The following CREB3L2 variants were observed in gnomAD, a reference collection of about 807,000 sequenced individuals.
CREB3L2 encodes the protein cAMP responsive element binding protein 3 like 2, also known as cyclic AMP-responsive element-binding protein 3-like protein 2.
A neutral mutation model predicts 57.2 loss-of-function variants in CREB3L2; 23 were observed. The observed-to-expected ratio is 0.40, with a 90% CI of 0.29 to 0.57. The LOEUF (loss-of-function observed/expected upper bound fraction) is 0.57, where lower values mean the gene tolerates loss of function less well. Among genes scored for constraint, CREB3L2 ranks in the 20% least tolerant of loss-of-function variants. The pLI, the probability that CREB3L2 is intolerant of heterozygous loss-of-function variation, is 0.42. For missense variants in CREB3L2, 628 were observed against 634.7 expected, an observed-to-expected ratio of 0.99 and a Z score of 0.11; for synonymous variants, 268 against 265.1, an observed-to-expected ratio of 1.01 and a Z score of -0.11.
intron 1 of CREB3L2, among the ~76,000 whole-genome samples, chr7:137,941,963 G>C (rs988208728): frequency 2.0e-5 from 3 of 152,112 alleles, no homozygotes; most frequent in Admixed American, 1.3e-4. Context: ...GTCGATTCTA[G>C]TTTTCCCATT....
chr7:137,974,075 C>T (rs1186259625), intron 1 of CREB3L2, among the ~76,000 whole-genome samples: 1 of 151,796 alleles, frequency 6.6e-6, no homozygotes, highest in Admixed American at 6.6e-5. Flanking sequence ...AATCAACCTC[C>T]TTGTGTAAAA....
chr7:137,912,245 T>C (rs951148767), intron 4 of CREB3L2, among the ~76,000 whole-genome samples: 5 of 151,854 alleles, frequency 3.3e-5, no homozygotes, highest in Non-Finnish European at 5.9e-5. Flanking sequence ...GGTGTGGTGG[T>C]GCACGCCTGT....
chr7:137,914,135 C>CT (rs1298152910), intron 3 of CREB3L2, among the ~76,000 whole-genome samples: 1 of 150,234 alleles, frequency 6.7e-6, no homozygotes, highest in African/African-American at 2.4e-5. Flanking sequence ...TTATATATAA[C>CT]TTTATTAATA....
intron 1 of CREB3L2, among the ~76,000 whole-genome samples, chr7:137,985,556 G>C (rs908665966): frequency 6.6e-6 from 1 of 152,078 alleles, no homozygotes; most frequent in Non-Finnish European, 1.5e-5. Context: ...GCTGTTAACA[G>C]ACCCCTAAAC....
intron 8 of CREB3L2, among the ~76,000 whole-genome samples, chr7:137,888,887 G>T (rs935028009): frequency 2.0e-5 from 3 of 152,032 alleles, no homozygotes; most frequent in African/African-American, 4.8e-5. Flanking sequence ...GCATGAGGGG[G>T]TAAGGTTTCT....
intron 1 of CREB3L2, among the ~76,000 whole-genome samples, chr7:137,991,394 G>A (rs1235796367): frequency 6.6e-6 from 1 of 151,758 alleles, no homozygotes; most frequent in Non-Finnish European, 1.5e-5. Context: ...TCGATCTCCT[G>A]ACCTCGTGAT....
chr7:137,994,932 T>C lies in CREB3L2; in HGVS notation c.102+6672A>G, dbSNP rs900065779. On this transcript the variant is annotated intron_variant, in intron 1 of 11. Coordinates refer to ENST00000330387, the MANE Select transcript of CREB3L2 (RefSeq NM_194071.4). ...ACATACCTTTTGACTAAGGAAAGAA[T>C]TGTTAACTCAGACTATTTTACTAAT... 2.6e-5 allele frequency among the ~76,000 whole-genome samples: 4 copies of C among 152,236 alleles called. 1 individual carries two copies. The highest frequency in any genetic ancestry group is 4.1e-4 in the South Asian group (2 of 4,836).
In CREB3L2 at chr7:137,980,348, A is replaced by T. The variant is rs1801692227; in HGVS notation, c.102+21256T>A. 6.6e-6 allele frequency among the ~76,000 whole-genome samples: 1 copy of T among 152,242 alleles called. No individual in the cohort carries two copies. Among genetic ancestry groups the T allele is most frequent in the Non-Finnish European group, 1.5e-5 (1 of 68,046 alleles). On this transcript the variant is annotated intron_variant, in intron 1 of 11. Transcript: ENST00000330387. This position sits in a 1 kb window ranked among gnomAD's most constrained non-coding sequence, Gnocchi z 4.3. ...CCCAGGTAAGTGTGATGTGCAGCCA[A>T]GACTGAGACTCTTTGCTCTAGACCG...
chr7:137,884,726 T>A (rs905541675), intron 10 of CREB3L2: 23 of 597,996 alleles, frequency 3.8e-5, no homozygotes, highest in Non-Finnish European at 6.5e-5. Context: ...ACTCAAAAAT[T>A]AGATGTCAGA....
intron 2 of CREB3L2, among the ~76,000 whole-genome samples, chr7:137,923,576 G>A (rs1481165285): frequency 6.6e-6 from 1 of 152,178 alleles, no homozygotes; most frequent in African/African-American, 2.4e-5. Context: ...CGCTATATGT[G>A]ATGAAGACAC....
chr7:137,885,902 C>T (rs532424549), intron 8 of CREB3L2, among the ~76,000 whole-genome samples: 70 of 152,226 alleles, frequency 4.6e-4, no homozygotes, highest in Non-Finnish European at 8.7e-4. Flanking sequence ...CTCTATGTGA[C>T]GGTATTAGGA....
At position 138,001,608 on chromosome 7, in the gene CREB3L2, T is replaced by C. The variant is rs903464203; in HGVS notation, c.98A>G (p.His33Arg). 6.2e-7 allele frequency: 1 copy of C among 1,611,562 alleles called. No individual in the cohort carries two copies. Among genetic ancestry groups the C allele is most frequent in the African/African-American group, 1.3e-5 (1 of 74,976 alleles). ...EPGDGEALMY[H>R]THFSELLDEF... is the part of the protein sequence containing the mutation. ...CCCCGCCCGCCGGGTCCTCACCGTG[T>C]GGTACATGAGGGCCTCGCCGTCCCC... The change falls in exon 1 of 12, where the codon CAC (histidine) becomes CGC (arginine). Residue 33 changes from histidine to arginine, a missense_variant. This residue lies in a region of CREB3L2 where 339 missense variants were observed against 355.4 expected (regional missense o/e 0.95). Transcript: ENST00000330387. This position sits in a 1 kb window ranked among gnomAD's most constrained non-coding sequence, Gnocchi z 4.2.
intron 1 of CREB3L2, among the ~76,000 whole-genome samples, chr7:137,944,501 A>C (rs1046589822): frequency 1.3e-5 from 2 of 152,242 alleles, no homozygotes; most frequent in Non-Finnish European, 2.9e-5. Flanking sequence ...CAAGCACTGA[A>C]TCAATGAACA....
At chr7:137,906,310 G>T (rs1799891324) in intron 5 of CREB3L2, among the ~76,000 whole-genome samples, 1 of 152,100 alleles carries the variant, frequency 6.6e-6, no homozygotes, top group African/African-American at 2.4e-5. Context: ...TCCACTTTTA[G>T]CTAAGAGTGC....
chr7:137,991,393 T>C (rs940639423), intron 1 of CREB3L2, among the ~76,000 whole-genome samples: 8 of 151,878 alleles, frequency 5.3e-5, no homozygotes, highest in African/African-American at 1.9e-4. Flanking sequence ...CTCGATCTCC[T>C]GACCTCGTGA....
rs567878731 is a variant in CREB3L2, at chr7:137,971,436, C to T, written c.102+30168G>A. ...TTGCACTCCAGCCTGGGCATCAGAG[C>T]GAGACTCCGTCTCAAAAAAAAAAAA... On this transcript the variant is annotated intron_variant, in intron 1 of 11. Transcript: ENST00000330387. Among the ~76,000 whole-genome samples the T allele has an allele frequency of 2.2e-4, 32 of 144,622 alleles. No homozygotes were observed. The East Asian group carries it at 2.7e-3, about 12-fold the overall frequency. The allele number at this position is 144,622 out of a possible 152,430, so 94.9% of individuals were successfully genotyped here.
intron 2 of CREB3L2, among the ~76,000 whole-genome samples, 188 bp from the exon 3 acceptor site, chr7:137,916,200 G>A (rs1488921703): frequency 6.6e-6 from 1 of 152,188 alleles, no homozygotes; most frequent in African/African-American, 2.4e-5. Context: ...ATCTATACTT[G>A]TATTCGCTTG....
rs10273156 is a variant in CREB3L2 at position 137,980,203 on chromosome 7, C to T, written c.102+21401G>A. On this transcript the variant is annotated intron_variant, in intron 1 of 11. Transcript: ENST00000330387. The surrounding 1 kb of genome is among the most constrained non-coding windows in gnomAD (Gnocchi z 4.3). ...TACTCCAAGCCAGTAGTTCTCACCT[C>T]GGTTTCACTTTGGAAGCACTGGGAG... 0.1 allele frequency among the ~76,000 whole-genome samples: 15,928 copies of T among 152,210 alleles called. 1,019 individuals are homozygous for T. Among genetic ancestry groups the T allele is most frequent in the East Asian group, 0.24 (1,238 of 5,162 alleles).
At chr7:137,930,154 C>T (rs1320768343) in intron 1 of CREB3L2, among the ~76,000 whole-genome samples, 1 of 152,058 alleles carries the variant, frequency 6.6e-6, no homozygotes, top group South Asian at 2.1e-4. Context: ...GTCTTGGCCT[C>T]CCAAAGTGCT....
Sources: gnomAD v4.1 joint callset for allele counts (sites outside exome capture counted in the v4.1 genomes callset) on GRCh38, gnomAD v4.1.1 for gene constraint, gnomAD v4.1.1 regional missense constraint, Gnocchi (gnomAD v3.1) non-coding constraint, MANE v1.5 for transcripts, NCBI Gene and HGNC (gene_info 2026-07-23, HGNC 2026-07-21) for gene names.